Variants in ANKS3 observed in about 807,000 individuals in gnomAD.
The protein encoded by ANKS3 is ankyrin repeat and sterile alpha motif domain containing 3, also known as ankyrin repeat and SAM domain-containing protein 3.
ANKS3 carries 62 observed loss-of-function variants against 80.7 expected under a neutral mutation model. That is an observed-to-expected ratio of 0.77 (90% CI 0.63 to 0.95). The LOEUF is 0.95. Ranked by LOEUF, ANKS3 falls within the 40% of genes least tolerant of loss-of-function variation. ANKS3 has a pLI of 0.00. For missense variants in ANKS3, 1,150 were observed against 883.6 expected (o/e 1.30, Z -3.82); for synonymous variants, 489 against 355.3 (o/e 1.38, Z -4.23).
At position 4,698,036 on chromosome 16, in the gene ANKS3, C is replaced by T. The variant is rs149916437; in HGVS notation, c.1751G>A (p.Arg584Gln). The T allele has an allele frequency of 4.2e-5, 67 of 1,609,454 alleles. No homozygotes were observed. The highest frequency in any genetic ancestry group is 9.3e-5 in the African/African-American group (7 of 74,872). Reference sequence around the variant, plus strand: ...ACCAGGGGGCTGGTCCTGCCTCACTCGAGATGACAGCTCAGCTTGACAGGC... The same window carrying T: ...ACCAGGGGGCTGGTCCTGCCTCACTTGAGATGACAGCTCAGCTTGACAGGC... ...LRACQAELSS[R>Q]VRQDQPPGAA... The change falls in exon 15 of 18, where the codon CGA becomes CAA. Residue 584 changes from arginine to glutamine, a missense_variant. Transcript: ENST00000304283.
At chr16:4,723,158 T>C (rs2081187944) in intron 6 of ANKS3, among the ~76,000 whole-genome samples, 1 of 152,148 alleles carries the variant, frequency 6.6e-6, no homozygotes, top group Admixed American at 6.5e-5. Flanking sequence ...TTTAACAGCC[T>C]TATAAAGATA....
intron 5 of ANKS3, chr16:4,725,096 C>A: frequency 3.1e-6 from 1 of 325,198 alleles, no homozygotes. Flanking sequence ...GCTATTCCCA[C>A]TGGCTACCTC....
At chr16:4,700,793 C>A (rs746516498) in intron 11 of ANKS3, 177 bp downstream of exon 11, 2 of 859,690 alleles carry the variant, frequency 2.3e-6, no homozygotes. Flanking sequence ...AGCGCTGCAG[C>A]GGGGCTGCCA....
intron 8 of ANKS3, among the ~76,000 whole-genome samples, chr16:4,704,484 A>ACCCAACTC (rs1484154134): frequency 6.6e-6 from 1 of 151,990 alleles, no homozygotes; most frequent in East Asian, 1.9e-4. Flanking sequence ...TAGGCACCAA[A>ACCCAACTC]CCCAACTCCC....
At chr16:4,728,822 T>C (rs951989039) in intron 3 of ANKS3, among the ~76,000 whole-genome samples, 3 of 152,174 alleles carry the variant, frequency 2.0e-5, no homozygotes, top group Non-Finnish European at 4.4e-5. Flanking sequence ...ACTGACTGCA[T>C]ACCCAGCTGC....
chr16:4,715,656 A>T (rs1423281073), intron 6 of ANKS3, among the ~76,000 whole-genome samples: 1 of 152,250 alleles, frequency 6.6e-6, no homozygotes, highest in Admixed American at 6.5e-5. Flanking sequence ...CGGCAAAATG[A>T]GACCAAAAAA....
At chr16:4,702,463 G>T (rs574652112) in intron 8 of ANKS3, among the ~76,000 whole-genome samples, 100 of 152,336 alleles carry the variant, frequency 6.6e-4, no homozygotes, top group Non-Finnish European at 1.2e-3. Context: ...CTGGCAGCCA[G>T]GTCAAGCCTG....
chr16:4,714,848 C>T (rs1010565753), intron 6 of ANKS3, among the ~76,000 whole-genome samples: 7 of 151,698 alleles, frequency 4.6e-5, no homozygotes, highest in Admixed American at 2.0e-4. Context: ...AAAAATTAGC[C>T]GGGCGTGGTG....
intron 10 of ANKS3, 22 bp downstream of exon 10, chr16:4,701,412 C>A (rs1351767554): frequency 6.3e-7 from 1 of 1,576,810 alleles, no homozygotes; most frequent in Non-Finnish European, 8.6e-7. Flanking sequence ...CTATGGGAGA[C>A]CAAGAAAGAA....
chr16:4,716,935 T>G (rs2080833450), intron 6 of ANKS3, among the ~76,000 whole-genome samples: 1 of 145,926 alleles, frequency 6.9e-6, no homozygotes, highest in Non-Finnish European at 1.5e-5. Context: ...TAATAAATAA[T>G]AACAATAATT....
chr16:4,727,391 G>C, intron 3 of ANKS3: 2 of 604,764 alleles, frequency 3.3e-6, no homozygotes, highest in Non-Finnish European at 5.9e-6. Flanking sequence ...TCGTCTCCTT[G>C]CTCTGATTTC....
At chr16:4,720,238 C>T (rs1405405719) in intron 6 of ANKS3, among the ~76,000 whole-genome samples, 7 of 147,160 alleles carry the variant, frequency 4.8e-5, no homozygotes, top group African/African-American at 1.5e-4. Context: ...CCAAGGCGGG[C>T]GGGTCACAAG....
At chr16:4,697,194 G>A in intron 16 of ANKS3, 90 bp from the exon 17 acceptor site, 3 of 1,560,144 alleles carry the variant, frequency 1.9e-6, no homozygotes, top group Middle Eastern at 1.7e-4. Flanking sequence ...GATGTGACCT[G>A]CCCCTCACCC....
Position 4,730,119 on chromosome 16 carries a change from G to A in ANKS3, c.31C>T (p.Pro11Ser). 1 of 1,585,952 alleles carries A rather than the reference G, an allele frequency of 6.3e-7. No individual in the cohort carries two copies. Among genetic ancestry groups the A allele is most frequent in the Admixed American group, 1.7e-5 (1 of 57,840 alleles). The change falls in exon 3 of 18, where the codon CCG (proline) becomes TCG (serine). Residue 11 changes from proline (P) to serine (S), a missense_variant. By Grantham distance (74) the Pro-to-Ser change is moderately conservative (BLOSUM62 -1). Transcript: ENST00000304283. MSELSDEASE[P>S]ELLNRSLSMW... is the part of the protein sequence containing the mutation. ...GACAAGCTGCGGTTCAGGAGTTCCG[G>A]CTCGCTGGCTTCATCGCTGAGCTCG...
At chr16:4,715,740 T>C (rs1246790377) in intron 6 of ANKS3, among the ~76,000 whole-genome samples, 2 of 152,012 alleles carry the variant, frequency 1.3e-5, no homozygotes, top group African/African-American at 4.8e-5. Context: ...CTATTTTTGA[T>C]GGGGATTTTT....
Position 4,726,505 on chromosome 16 carries a change from T to C in ANKS3, c.491+154A>G, listed in dbSNP as rs146088278. The stretch of plus-strand genomic sequence containing the variant: ...TCTCACAGATGTACGAAAAGGCCTG[T>C]GCCTGGAAGGACTCTGGTCCTACCC... On this transcript the variant is annotated intron_variant, in intron 5 of 17. Transcript: ENST00000304283. 6.1e-3 allele frequency among the ~76,000 whole-genome samples: 936 copies of C among 152,370 alleles called. 8 individuals carry two copies. Among genetic ancestry groups the C allele is most frequent in the Non-Finnish European group, 8.0e-3 (546 of 68,032 alleles).
intron 4 of ANKS3, 85 bp downstream of exon 4, chr16:4,726,894 A>G: frequency 6.2e-7 from 1 of 1,602,620 alleles, no homozygotes; most frequent in Non-Finnish European, 8.5e-7. Flanking sequence ...ACACACGAAC[A>G]CCGTGGCCTG....
rs141717553 is a variant in ANKS3 at position 4,701,438 on chromosome 16, T to C, written c.1115A>G (p.Asn372Ser). The change falls in exon 10 of 18, where the codon AAC (asparagine) becomes AGC (serine). Residue 372 changes from asparagine to serine, a missense_variant. Physicochemically the swap from Asn to Ser is conservative, Grantham distance 46 (BLOSUM62 1). Coordinates refer to ENST00000304283, the MANE Select transcript of ANKS3 (RefSeq NM_133450.4). ...GLSSEASVES[N>S]EDSDHACKSS... The stretch of plus-strand genomic sequence containing the variant: ...CAAGAAAGAAAGAATCCGTACCTCG[T>C]TGCTCTCCACAGAAGCTTCGCTGCT... The C allele has an allele frequency of 1.2e-4, 195 of 1,598,754 alleles. No individual in the cohort carries two copies. Among genetic ancestry groups the C allele is most frequent in the Admixed American group, 3.8e-4 (22 of 58,424 alleles).
At position 4,730,104 on chromosome 16, in the gene ANKS3, G is replaced by A. The variant is rs146583899; in HGVS notation, c.46C>T (p.Arg16Cys). Residue 16 changes from arginine to cysteine, a missense_variant, in exon 3 of 18, where the codon CGC (arginine) becomes TGC (cysteine). Arg to Cys is a radical substitution (Grantham distance 180). Coordinates refer to ENST00000304283, the MANE Select transcript of ANKS3 (RefSeq NM_133450.4). The part of the protein sequence containing the change: ...DEASEPELLN[R>C]SLSMWHGLGT... ...AGCCCGTGCCACATGGACAAGCTGCGGTTCAGGAGTTCCGGCTCGCTGGCT... is the reference window on the plus strand; with the variant it reads ...AGCCCGTGCCACATGGACAAGCTGCAGTTCAGGAGTTCCGGCTCGCTGGCT... 5.7e-4 allele frequency: 901 copies of A among 1,592,198 alleles called. 3 individuals are homozygous for A. The highest frequency in any genetic ancestry group is 7.4e-4 in the Non-Finnish European group (861 of 1,166,922).
Sources: allele counts gnomAD v4.1 joint callset (sites outside exome capture counted in the v4.1 genomes callset), GRCh38; gene constraint gnomAD v4.1.1; transcripts MANE v1.5; gene names NCBI Gene and HGNC (gene_info 2026-07-23, HGNC 2026-07-21).